Variants in RAD51B observed in about 807,000 individuals in gnomAD.
RAD51B encodes the protein RAD51 paralog B, also known as DNA repair protein RAD51 homolog 2.
RAD51B carries 38 observed loss-of-function variants against 42.2 expected under a neutral mutation model. The ratio of observed to expected loss-of-function variants is 0.90; its 90% CI spans 0.70 to 1.18. The LOEUF is 1.18. RAD51B is among the 50% of genes most tolerant of loss of function. RAD51B has a pLI of 0.00. For missense variants in RAD51B, 373 were observed against 400.7 expected (o/e 0.93, Z 0.59); for synonymous variants, 154 against 145.2 (o/e 1.06, Z -0.43).
intron 7 of RAD51B, among the ~76,000 whole-genome samples, chr14:68,218,304 G>C (rs562553528): frequency 2.0e-5 from 3 of 152,162 alleles, no homozygotes; most frequent in African/African-American, 7.2e-5. Context: ...AGTACCAGGG[G>C]TTAGGAAAAA....
chr14:68,295,814 C>T (rs971939891), intron 8 of RAD51B, among the ~76,000 whole-genome samples: 1 of 152,142 alleles, frequency 6.6e-6, no homozygotes, highest in Non-Finnish European at 1.5e-5. Flanking sequence ...TTCAAGGGAG[C>T]ACTGTTTAAG....
intron 9 of RAD51B, among the ~76,000 whole-genome samples, chr14:68,432,413 C>T (rs991663603): frequency 4.6e-5 from 7 of 152,136 alleles, no homozygotes; most frequent in African/African-American, 7.2e-5. Context: ...TCTAAGGACT[C>T]GCTTTATGAA....
chr14:67,960,841 T>C (rs944998768), intron 7 of RAD51B, among the ~76,000 whole-genome samples: 7 of 152,042 alleles, frequency 4.6e-5, no homozygotes, highest in African/African-American at 1.4e-4. Context: ...GCTAATTTTT[T>C]AATTTTTTGT....
intron 7 of RAD51B, among the ~76,000 whole-genome samples, chr14:68,038,310 A>G (rs1332524832): frequency 5.9e-5 from 9 of 152,202 alleles, no homozygotes; most frequent in Admixed American, 5.9e-4. Context: ...TTCAATTATA[A>G]GCAGCCTCCT....
intron 9 of RAD51B, among the ~76,000 whole-genome samples, chr14:68,443,215 C>T (rs1486478051): frequency 3.9e-5 from 6 of 152,280 alleles, no homozygotes; most frequent in African/African-American, 1.2e-4. Flanking sequence ...AAGTATTTTT[C>T]CTGTGGTCTA....
chr14:68,027,542 C>G (rs2075974171), intron 7 of RAD51B, among the ~76,000 whole-genome samples: 1 of 151,786 alleles, frequency 6.6e-6, no homozygotes, highest in Non-Finnish European at 1.5e-5. Context: ...TTTTAAAATT[C>G]TTTTTTCTTG....
chr14:67,951,763 G>A (rs1229968974), intron 7 of RAD51B, among the ~76,000 whole-genome samples: 1 of 152,170 alleles, frequency 6.6e-6, no homozygotes, highest in African/African-American at 2.4e-5. Context: ...GTGATCTGAT[G>A]TGGCTGCAAA....
intron 10 of RAD51B, among the ~76,000 whole-genome samples, chr14:68,549,433 T>TTTTTTTTA (rs1888407888): frequency 1.8e-4 from 17 of 93,224 alleles, no homozygotes; most frequent in Non-Finnish European, 3.2e-4. Context: ...TTTTTTTTTT[T>TTTTTTTTA]GAGACGGAGT....
chr14:67,972,887 G>A (rs2074924346), intron 7 of RAD51B, among the ~76,000 whole-genome samples: 1 of 152,148 alleles, frequency 6.6e-6, no homozygotes, highest in African/African-American at 2.4e-5. Context: ...ATGGTGAGAG[G>A]CAACACTAAA....
intron 10 of RAD51B, among the ~76,000 whole-genome samples, chr14:68,621,025 C>T (rs1480609271): frequency 6.6e-6 from 1 of 152,214 alleles, no homozygotes; most frequent in African/African-American, 2.4e-5. Context: ...GGGGACGGGG[C>T]AAGGCCCTCC....
At chr14:68,294,516 G>T (rs1470008926) in intron 8 of RAD51B, among the ~76,000 whole-genome samples, 1 of 152,216 alleles carries the variant, frequency 6.6e-6, no homozygotes, top group Non-Finnish European at 1.5e-5. Flanking sequence ...AGCATTCATT[G>T]TATCAGCTTT....
intron 11 of RAD51B, among the ~76,000 whole-genome samples, chr14:68,653,246 A>G (rs914859004): frequency 2.0e-5 from 3 of 152,198 alleles, no homozygotes; most frequent in African/African-American, 7.2e-5. Flanking sequence ...TCAGCTACTC[A>G]GGAGGCTGAG....
chr14:68,253,643 G>T (rs1185431786), intron 7 of RAD51B, among the ~76,000 whole-genome samples: 5 of 152,062 alleles, frequency 3.3e-5, no homozygotes, highest in Non-Finnish European at 7.4e-5. Flanking sequence ...ACATAAAATG[G>T]TAGCTAATAA....
chr14:68,547,376 G>C (rs757646159), intron 10 of RAD51B, among the ~76,000 whole-genome samples: 1 of 152,114 alleles, frequency 6.6e-6, no homozygotes, highest in Non-Finnish European at 1.5e-5. Context: ...CTTCCTGTCG[G>C]CACGTACAGG....
intron 8 of RAD51B, among the ~76,000 whole-genome samples, chr14:68,388,947 G>T (rs2083671904): frequency 6.6e-6 from 1 of 152,172 alleles, no homozygotes; most frequent in Non-Finnish European, 1.5e-5. Flanking sequence ...AGCCTTCAAT[G>T]ATGTAAATTT....
At chr14:68,403,073 C>T (rs748929931) in intron 8 of RAD51B, among the ~76,000 whole-genome samples, 6 of 152,192 alleles carry the variant, frequency 3.9e-5, no homozygotes, top group African/African-American at 1.4e-4. Context: ...GAGATATGAA[C>T]GAGAATGCAG....
intron 7 of RAD51B, among the ~76,000 whole-genome samples, chr14:67,951,122 A>C (rs988057422): frequency 2.0e-5 from 3 of 152,244 alleles, no homozygotes; most frequent in African/African-American, 7.2e-5. Flanking sequence ...TGAAATGAGC[A>C]CATGCTATTG....
At chr14:68,382,011 AG>A (rs1265605455) in intron 8 of RAD51B, among the ~76,000 whole-genome samples, 1 of 152,238 alleles carries the variant, frequency 6.6e-6, no homozygotes, top group East Asian at 1.9e-4. Flanking sequence ...ATTTGGGATT[AG>A]GAGGCTCAAG....
intron 7 of RAD51B, among the ~76,000 whole-genome samples, chr14:68,080,541 T>C (rs2076897027): frequency 6.6e-6 from 1 of 152,204 alleles, no homozygotes; most frequent in Non-Finnish European, 1.5e-5. Context: ...GTCCCCAGCC[T>C]GAAATGCAGA....
Sources: allele counts gnomAD v4.1 joint callset (sites outside exome capture counted in the v4.1 genomes callset), GRCh38; gene constraint gnomAD v4.1.1; transcripts MANE v1.5; gene names NCBI Gene and HGNC (gene_info 2026-07-23, HGNC 2026-07-21).